SLC47A1: variants seen among roughly 807,000 people sequenced by gnomAD.
The protein encoded by SLC47A1 is multidrug and toxin extrusion protein 1.
A neutral mutation model predicts 65.8 loss-of-function variants in SLC47A1; 58 were observed. That is an observed-to-expected ratio of 0.88 (90% CI 0.71 to 1.10). The LOEUF (loss-of-function observed/expected upper bound fraction) is 1.10. Among genes scored for constraint, SLC47A1 ranks in the 50% least tolerant of loss-of-function variants. SLC47A1 has a pLI of 0.00. For synonymous variants in SLC47A1, 285 were observed against 295.0 expected (o/e 0.97, Z 0.35); for missense variants, 706 against 719.2 (o/e 0.98, Z 0.21).
Position 19,552,820 on chromosome 17 carries a change from G to A in SLC47A1, c.543+1352G>A, listed in dbSNP as rs543576973. ...CTCTTTACGCCACTGCGGTGGGAGGGGATGCAGTGAGATGATGGCATCGAG... is the reference window on the plus strand; with the variant it reads ...CTCTTTACGCCACTGCGGTGGGAGGAGATGCAGTGAGATGATGGCATCGAG... On this transcript the variant is annotated intron_variant, in intron 6 of 16. Transcript: ENST00000270570. 2.6e-5 allele frequency among the ~76,000 whole-genome samples: 4 copies of A among 152,294 alleles called. No homozygotes were observed. The South Asian group carries it at 8.3e-4, about 32-fold the overall frequency.
chr17:19,562,909 G>A (rs1480623302), intron 12 of SLC47A1, among the ~76,000 whole-genome samples: 2 of 152,046 alleles, frequency 1.3e-5, no homozygotes, highest in African/African-American at 4.8e-5. Context: ...CTTAATCACA[G>A]GGGGCGGGAA....
chr17:19,552,479 A>G (rs1397094341), intron 6 of SLC47A1, among the ~76,000 whole-genome samples: 1 of 152,230 alleles, frequency 6.6e-6, no homozygotes, highest in Non-Finnish European at 1.5e-5. Context: ...CTTTTGATCT[A>G]GACCCTTGCT....
chr17:19,550,993 A>G (rs1916431523), intron 5 of SLC47A1, among the ~76,000 whole-genome samples: 1 of 152,184 alleles, frequency 6.6e-6, no homozygotes, highest in Non-Finnish European at 1.5e-5. Flanking sequence ...ATCTAGGGAC[A>G]CCATTTGCCC....
intron 1 of SLC47A1, among the ~76,000 whole-genome samples, chr17:19,537,205 T>C (rs1418900360): frequency 2.0e-5 from 3 of 152,138 alleles, no homozygotes; most frequent in Non-Finnish European, 1.5e-5. Context: ...ATGTTTCCAC[T>C]TGTGTGGGAA....
chr17:19,562,192 T>A (rs1478479442), intron 12 of SLC47A1, among the ~76,000 whole-genome samples: 2 of 152,238 alleles, frequency 1.3e-5, no homozygotes, highest in Non-Finnish European at 1.5e-5. Flanking sequence ...TTTCATGGTT[T>A]ATTCTTCACA....
chr17:19,534,839 C>T (rs1434497711), intron 1 of SLC47A1: 1 of 152,086 alleles, frequency 6.6e-6, no homozygotes, highest in Non-Finnish European at 1.5e-5. Context: ...TTTTAAAAAC[C>T]ACAAAAACAC....
chr17:19,566,715 G>A, intron 12 of SLC47A1, 75 bp from the exon 13 acceptor site: 1 of 1,425,668 alleles, frequency 7.0e-7, no homozygotes, highest in Non-Finnish European at 9.9e-7. Flanking sequence ...ATGAGCCACT[G>A]CGCCTAGCCA....
intron 3 of SLC47A1, chr17:19,547,176 C>G (rs773703134): frequency 5.9e-5 from 9 of 152,370 alleles, no homozygotes; most frequent in Non-Finnish European, 8.8e-5. Flanking sequence ...CTCAGCCTCT[C>G]AAGTACCTGG....
chr17:19,556,681 C>G (rs557080215), intron 10 of SLC47A1, among the ~76,000 whole-genome samples: 7 of 151,974 alleles, frequency 4.6e-5, no homozygotes, highest in African/African-American at 1.7e-4. Flanking sequence ...GCCTCAGCCT[C>G]CCAAGTAGCT....
chr17:19,539,428 G>A (rs1916078954), intron 1 of SLC47A1, among the ~76,000 whole-genome samples: 2 of 152,066 alleles, frequency 1.3e-5, no homozygotes, highest in Admixed American at 6.5e-5. Flanking sequence ...CTTGCCTGGT[G>A]TGTATGAGGG....
rs368707282 is a variant in SLC47A1, at chr17:19,555,860, C to T, written c.804C>T (p.Leu268=). The T allele has an allele frequency of 1.1e-5, 18 of 1,613,780 alleles. No individual in the cohort carries two copies. The highest frequency in any genetic ancestry group is 4.0e-5 in the African/African-American group (3 of 74,912). ...TCCGCCTGGCCATCCCCAGCATGCT[C>T]ATGCTGTGCATGGAGTGGTGGGCCT... ...SFLRLAIPSM[L]MLCMEWWAYE... The change falls in exon 9 of 17, where the codon CTC becomes CTT. Residue 268 remains leucine, a synonymous_variant. Coordinates refer to ENST00000270570, the MANE Select transcript of SLC47A1 (RefSeq NM_018242.3).
chr17:19,555,725 T>C (rs370817098), intron 8 of SLC47A1, 35 bp downstream of exon 8: 461 of 1,613,484 alleles, frequency 2.9e-4, no homozygotes, highest in Non-Finnish European at 3.5e-4. Flanking sequence ...AACTGGGATG[T>C]GGGTTTTGTC....
At position 19,556,067 on chromosome 17, in the gene SLC47A1, GCAGGGGAGCCGAT is replaced by G; in HGVS notation, c.921+8_921+20del. On this transcript the variant is annotated splice_donor_region_variant and intron_variant, in intron 10 of 16. Transcript: ENST00000270570. ...CTGGCCATCATTGTGTACATGGTAA[GCAGGGGAGCCGAT>G]CATGGGGAGGTGCCAGGCGTTTTCC... is the stretch of plus-strand genomic sequence containing the variant. 2.5e-6 allele frequency: 4 copies of G among 1,613,664 alleles called. No homozygotes were observed. The highest frequency in any genetic ancestry group is 3.4e-6 in the Non-Finnish European group (4 of 1,180,020).
intron 3 of SLC47A1, 42 bp downstream of exon 3, chr17:19,546,545 CT>C (rs779305421): frequency 6.3e-7 from 1 of 1,592,988 alleles, no homozygotes; most frequent in African/African-American, 1.3e-5. Context: ...CCTCAAACAT[CT>C]TTTCTCAAGT....
intron 14 of SLC47A1, among the ~76,000 whole-genome samples, chr17:19,571,223 T>A (rs2084397056): frequency 6.6e-6 from 1 of 152,166 alleles, no homozygotes; most frequent in Non-Finnish European, 1.5e-5. Flanking sequence ...GAATATTTGT[T>A]CCGAAATCCT....
intron 3 of SLC47A1, 87 bp downstream of exon 3, chr17:19,546,590 C>T (rs1597496515): frequency 7.7e-7 from 1 of 1,296,924 alleles, no homozygotes; most frequent in Non-Finnish European, 1.1e-6. Flanking sequence ...AGGAAGAGTT[C>T]AGCAGCCAGC....
At chr17:19,555,524 C>T (rs1422242444) in intron 7 of SLC47A1, 69 bp from the exon 8 acceptor site, 2 of 1,492,402 alleles carry the variant, frequency 1.3e-6, no homozygotes, top group African/African-American at 1.4e-5. Flanking sequence ...TGAGTCTCCC[C>T]TCCTCACTGA....
chr17:19,546,367 C>CA, intron 2 of SLC47A1, 68 bp from the exon 3 acceptor site: 1 of 1,500,516 alleles, frequency 6.7e-7, no homozygotes, highest in South Asian at 1.2e-5. Context: ...CTTATCAATA[C>CA]ACACAGGGAT....
chr17:19,555,762 A>G (rs1234841724), intron 8 of SLC47A1, 34 bp from the exon 9 acceptor site: 9 of 1,613,088 alleles, frequency 5.6e-6, no homozygotes, highest in Non-Finnish European at 7.6e-6. Flanking sequence ...CCCGATGGCC[A>G]GATCTCCTGG....
Sources: gnomAD v4.1 joint callset for allele counts (sites outside exome capture counted in the v4.1 genomes callset) on GRCh38, gnomAD v4.1.1 for gene constraint, MANE v1.5 for transcripts, NCBI Gene and HGNC (gene_info 2026-07-23, HGNC 2026-07-21) for gene names.